TMEM181: variants seen among roughly 807,000 people sequenced by gnomAD.
TMEM181 encodes the protein G protein-coupled receptor 178.
A neutral mutation model predicts 71.9 loss-of-function variants in TMEM181; 39 were observed. The observed-to-expected ratio is 0.54, with a 90% CI of 0.42 to 0.71. The LOEUF is 0.71. Among genes scored for constraint, TMEM181 ranks in the 30% least tolerant of loss-of-function variants. The pLI is 0.00. For missense variants in TMEM181, 595 were observed against 583.0 expected, an observed-to-expected ratio of 1.02 and a Z score of -0.21; for synonymous variants, 245 against 228.8, an observed-to-expected ratio of 1.07 and a Z score of -0.64.
chr6:158,631,433 C>T (rs566618355), intron 16 of TMEM181, 44 bp downstream of exon 16: 58 of 1,591,992 alleles, frequency 3.6e-5, no homozygotes, highest in African/African-American at 8.0e-5. Context: ...TTGGGCATCC[C>T]GGCACGGCCT....
intron 8 of TMEM181, among the ~76,000 whole-genome samples, chr6:158,607,857 G>A (rs1583025069): frequency 1.3e-5 from 2 of 152,208 alleles, no homozygotes; most frequent in East Asian, 1.9e-4. Flanking sequence ...GTTAAAACTT[G>A]GACGTGCTAC....
intron 5 of TMEM181, 51 bp from the exon 6 acceptor site, chr6:158,589,621 G>A: frequency 7.2e-7 from 1 of 1,388,886 alleles, no homozygotes; most frequent in South Asian, 1.2e-5. Context: ...TTATTTGGCG[G>A]GAGCGTGAGT....
At chr6:158,616,745 C>A (rs190365154) in intron 10 of TMEM181, among the ~76,000 whole-genome samples, 1 of 152,146 alleles carries the variant, frequency 6.6e-6, no homozygotes. Flanking sequence ...GAGATAATCA[C>A]GTGGTTTTTG....
intron 1 of TMEM181, among the ~76,000 whole-genome samples, 184 bp downstream of exon 1, chr6:158,560,416 A>G (rs1423932124): frequency 1.3e-5 from 2 of 151,678 alleles, no homozygotes; most frequent in East Asian, 3.9e-4. Context: ...GCGCGGGGCG[A>G]GAGTAGACCG....
At chr6:158,544,870 T>G (rs4709206) in intron 1 of TMEM181, among the ~76,000 whole-genome samples, 1 of 152,120 alleles carries the variant, frequency 6.6e-6, no homozygotes, top group Non-Finnish European at 1.5e-5. Context: ...ACGTCATACA[T>G]GCTTCCATAA....
rs1432575237 is a variant in TMEM181 at position 158,628,153 on chromosome 6, G to A, written c.1110-255G>A. The A allele has an allele frequency of 4.6e-6, 3 of 655,600 alleles. No homozygotes were observed. In the East Asian group the frequency reaches 8.9e-5, roughly 19 times the overall value. 40.6% of individuals were successfully genotyped at this position (655,600 alleles called of 1,614,324 possible). A position where few individuals can be genotyped will look rare whatever the true frequency, so the allele number is the denominator to read the frequency against. ...GGAGAGTGTGATGGGGCCTGCAGCAGGGTTCATCCTGTCCCTGCAGCCGGC... is the reference window on the plus strand; with the variant it reads ...GGAGAGTGTGATGGGGCCTGCAGCAAGGTTCATCCTGTCCCTGCAGCCGGC... On this transcript the variant is annotated intron_variant, in intron 13 of 16. Transcript: ENST00000684151.
chr6:158,625,679 T>G (rs1786232171), intron 12 of TMEM181, 24 bp from the exon 13 acceptor site: 2 of 1,591,190 alleles, frequency 1.3e-6, no homozygotes, highest in Non-Finnish European at 1.7e-6. Context: ...TCCAGAGTTG[T>G]TAATGAGTTT....
intron 1 of TMEM181, among the ~76,000 whole-genome samples, chr6:158,562,595 CACAG>C (rs1782252667): frequency 6.6e-6 from 1 of 152,084 alleles, no homozygotes; most frequent in African/African-American, 2.4e-5. Flanking sequence ...CAAAGCATGG[CACAG>C]ACAAATTAAG....
rs1334300050 is a variant in TMEM181, at chr6:158,632,988, G to A, written c.*1100G>A. ...GGAGGCTGAGGTGGGAGGATTGCTT[G>A]AGCCCTGGAGGTCAAGGCTGCAGTG... On this transcript the variant is annotated 3_prime_UTR_variant, in exon 17 of 17. Coordinates refer to ENST00000684151, the MANE Select transcript of TMEM181 (RefSeq NM_001376852.1). 1 of 152,314 alleles carries A rather than the reference G, an allele frequency of 6.6e-6. No individual in the cohort carries two copies. Among genetic ancestry groups the A allele is most frequent in the African/African-American group, 2.4e-5 (1 of 41,438 alleles). The allele number at this position is 152,314 out of a possible 1,614,324, so 9.4% of individuals were successfully genotyped here. A position where few individuals can be genotyped will look rare whatever the true frequency, so the allele number is the denominator to read the frequency against.
At chr6:158,571,008 G>T (rs909742960) in intron 1 of TMEM181, among the ~76,000 whole-genome samples, 2 of 151,448 alleles carry the variant, frequency 1.3e-5, no homozygotes, top group African/African-American at 4.8e-5. Flanking sequence ...CAACTCCCTG[G>T]TTCAAGCGAT....
At chr6:158,617,861 G>C (rs1342521264) in intron 10 of TMEM181, among the ~76,000 whole-genome samples, 2 of 152,164 alleles carry the variant, frequency 1.3e-5, no homozygotes, top group Non-Finnish European at 2.9e-5. Flanking sequence ...TATAATTTCT[G>C]TTCTTTTACA....
At chr6:158,611,348 C>T (rs1270146167) in intron 10 of TMEM181, 31 of 523,502 alleles carry the variant, frequency 5.9e-5, no homozygotes, top group Non-Finnish European at 1.0e-4. Context: ...CTAGTGACAG[C>T]CTCTCCCTTC....
chr6:158,566,379 G>T (rs1337545662), intron 1 of TMEM181, among the ~76,000 whole-genome samples: 1 of 152,124 alleles, frequency 6.6e-6, no homozygotes, highest in African/African-American at 2.4e-5. Flanking sequence ...AGGGGACAGA[G>T]AGCAGTGTGT....
intron 6 of TMEM181, among the ~76,000 whole-genome samples, chr6:158,594,120 T>TTTTTTC (rs1554309324): frequency 7.2e-6 from 1 of 139,662 alleles, no homozygotes. Context: ...TTTTTTTTTT[T>TTTTTTC]CTGAGACAGA....
chr6:158,628,517 C>T lies in TMEM181; in HGVS notation c.1192+27C>T, dbSNP rs377142573. 1.4e-5 allele frequency: 22 copies of T among 1,601,876 alleles called. No individual in the cohort carries two copies. The African/African-American group carries it at 2.8e-4, about 20-fold the overall frequency. Reference sequence around the variant, plus strand: ...TATCCTTTTCACTGGAGGGCCCTGGCTGCAGGACGCCTGCTTAGCATTGCA... The same window carrying T: ...TATCCTTTTCACTGGAGGGCCCTGGTTGCAGGACGCCTGCTTAGCATTGCA... On this transcript the variant is annotated intron_variant, in intron 14 of 16. Coordinates refer to ENST00000684151, the MANE Select transcript of TMEM181 (RefSeq NM_001376852.1).
upstream of TMEM181, among the ~76,000 whole-genome samples, chr6:158,556,478 T>A (rs1781891330): frequency 6.6e-6 from 1 of 152,222 alleles, no homozygotes; most frequent in African/African-American, 2.4e-5. Flanking sequence ...CTATGTGCCT[T>A]TTCAGGGAGG....
intron 6 of TMEM181, 68 bp from the exon 7 acceptor site, chr6:158,605,199 A>G: frequency 1.7e-6 from 2 of 1,156,368 alleles, no homozygotes; most frequent in Non-Finnish European, 2.6e-6. Context: ...ACTATTAGTA[A>G]TCTGGTGTAT....
chr6:158,544,965 G>A (rs777810794), intron 1 of TMEM181, among the ~76,000 whole-genome samples: 8 of 152,210 alleles, frequency 5.3e-5, no homozygotes, highest in Non-Finnish European at 7.3e-5. Flanking sequence ...GCATTTCAAC[G>A]TGAAAATGCC....
intron 6 of TMEM181, 120 bp from the exon 7 acceptor site, chr6:158,605,147 T>A: frequency 1.8e-6 from 1 of 566,342 alleles, no homozygotes; most frequent in Non-Finnish European, 3.2e-6. Context: ...TGTGTGTGTG[T>A]GTGTGTGTGT....
Sources: gnomAD v4.1 joint callset for allele counts (sites outside exome capture counted in the v4.1 genomes callset) on GRCh38, gnomAD v4.1.1 for gene constraint, MANE v1.5 for transcripts, NCBI Gene and HGNC (gene_info 2026-07-23, HGNC 2026-07-21) for gene names.